PLPP1: variants seen among roughly 807,000 people sequenced by gnomAD.
The protein encoded by PLPP1 is phospholipid phosphatase 1.
A neutral mutation model predicts 31.2 loss-of-function variants in PLPP1; 24 were observed. That is an observed-to-expected ratio of 0.77 (90% CI 0.56 to 1.08). The LOEUF is 1.08. Among genes scored for constraint, PLPP1 ranks in the 50% least tolerant of loss-of-function variants. The probability of loss-of-function intolerance (pLI) is 0.00; values close to 1 mark genes in which losing one functional copy is unlikely to be tolerated. For missense variants in PLPP1, 319 were observed against 342.7 expected (o/e 0.93, Z 0.55); for synonymous variants, 146 against 126.3 (o/e 1.16, Z -1.05).
chr5:55,486,643 C>T (rs1178238061), intron 1 of PLPP1, among the ~76,000 whole-genome samples: 10 of 150,580 alleles, frequency 6.6e-5, no homozygotes, highest in Non-Finnish European at 8.9e-5. Context: ...GGTCGGGCGC[C>T]GTGGCTCACG....
chr5:55,502,486 C>CAA (rs112915753), intron 1 of PLPP1, among the ~76,000 whole-genome samples: 4 of 101,000 alleles, frequency 4.0e-5, no homozygotes, highest in Non-Finnish European at 4.1e-5. Flanking sequence ...GACTCCGTCT[C>CAA]AAAAAAAAAA....
chr5:55,486,621 T>C (rs900607957), intron 1 of PLPP1, among the ~76,000 whole-genome samples: 20 of 151,010 alleles, frequency 1.3e-4, no homozygotes, highest in African/African-American at 4.9e-4. Context: ...ATATATAAAG[T>C]GATTAAGCCT....
At chr5:55,473,237 A>C (rs186291436) in intron 2 of PLPP1, among the ~76,000 whole-genome samples, 5 of 152,338 alleles carry the variant, frequency 3.3e-5, no homozygotes. Flanking sequence ...TTAGATTAAA[A>C]GAATACCTGA....
At chr5:55,526,997 T>C (rs1339109958) in intron 1 of PLPP1, among the ~76,000 whole-genome samples, 2 of 151,598 alleles carry the variant, frequency 1.3e-5, no homozygotes, top group African/African-American at 4.8e-5. Flanking sequence ...AGGCACCGTG[T>C]CCTATTTGTT....
At position 55,533,253 on chromosome 5, in the gene PLPP1, G is replaced by A. The variant is rs147166333; in HGVS notation, c.58+1319C>T. Among the ~76,000 whole-genome samples, 964 of 151,498 alleles carry A rather than the reference G, an allele frequency of 6.4e-3. 15 individuals carry two copies. Among genetic ancestry groups the A allele is most frequent in the African/African-American group, 0.021 (859 of 41,272 alleles). On this transcript the variant is annotated intron_variant, in intron 1 of 5. Transcript: ENST00000307259. ...AGAAAAATTAGCCAGGCATGGTGGC[G>A]GTGCCTGTAATCCCAGCTACTAGAG...
chr5:55,525,070 CAT>C (rs1164019866), intron 1 of PLPP1, among the ~76,000 whole-genome samples: 2 of 152,222 alleles, frequency 1.3e-5, no homozygotes, highest in African/African-American at 2.4e-5. Flanking sequence ...GGCTTTCACA[CAT>C]GACTAATAAA....
chr5:55,522,451 C>T (rs1457546222), intron 1 of PLPP1, among the ~76,000 whole-genome samples: 1 of 152,104 alleles, frequency 6.6e-6, no homozygotes, highest in East Asian at 1.9e-4. Context: ...GCTGGAAGTG[C>T]AGTGGCACAA....
At chr5:55,480,483 TCTG>T (rs1448497241) in intron 1 of PLPP1, among the ~76,000 whole-genome samples, 12 of 152,062 alleles carry the variant, frequency 7.9e-5, no homozygotes, top group African/African-American at 2.4e-4. Context: ...CAACCACTCA[TCTG>T]CTATCTGTCT....
intron 4 of PLPP1, among the ~76,000 whole-genome samples, chr5:55,433,916 C>T (rs1242927619): frequency 6.6e-6 from 1 of 151,976 alleles, no homozygotes; most frequent in African/African-American, 2.4e-5. Flanking sequence ...GCAGGTGGAT[C>T]ACTTGAGGTC....
At chr5:55,432,661 CA>C (rs1411542865) in intron 4 of PLPP1, among the ~76,000 whole-genome samples, 8 of 35,754 alleles carry the variant, frequency 2.2e-4, no homozygotes, top group Admixed American at 1.3e-3. Flanking sequence ...AACAACACAT[CA>C]AAAAGATATG....
chr5:55,448,447 A>AC (rs899931389), intron 3 of PLPP1, among the ~76,000 whole-genome samples: 1 of 88,094 alleles, frequency 1.1e-5, no homozygotes, highest in African/African-American at 4.0e-5. Context: ...AGATTCTAGC[A>AC]CCTTTTTTTT....
At chr5:55,474,615 C>T (rs1752496131) in intron 2 of PLPP1, among the ~76,000 whole-genome samples, 2 of 152,208 alleles carry the variant, frequency 1.3e-5, no homozygotes, top group Admixed American at 1.3e-4. Flanking sequence ...TATAGCTTTT[C>T]TCTCCTGTGT....
intron 1 of PLPP1, among the ~76,000 whole-genome samples, chr5:55,507,942 C>A (rs1048874461): frequency 1.3e-5 from 2 of 152,052 alleles, no homozygotes; most frequent in Non-Finnish European, 2.9e-5. Flanking sequence ...ACTGCAACCT[C>A]CACCTCCCAG....
Position 55,425,300 on chromosome 5 carries a change from GTTCT to G in PLPP1, c.757_760del (p.Arg253LeufsTer86). 2 of 1,608,178 alleles carry G rather than the reference GTTCT, an allele frequency of 1.2e-6. No individual in the cohort carries two copies. Among genetic ancestry groups the G allele is most frequent in the Non-Finnish European group, 1.7e-6 (2 of 1,175,068 alleles). On this transcript the variant is annotated frameshift_variant, in exon 6 of 6. Coordinates refer to ENST00000307259, the MANE Select transcript of PLPP1 (RefSeq NM_003711.4). LOFTEE classifies it high-confidence loss of function. ...CTCCTCTTTTCTTTCTTTAAAAGAA[GTTCT>G]TTCTTTGAAGAAATCCGATACATAT...
At chr5:55,525,089 A>G (rs969876125) in intron 1 of PLPP1, among the ~76,000 whole-genome samples, 1 of 152,234 alleles carries the variant, frequency 6.6e-6, no homozygotes, top group Non-Finnish European at 1.5e-5. Context: ...TAAAACACTA[A>G]GTTTCAAAAG....
chr5:55,521,853 T>C (rs978360232), intron 1 of PLPP1, among the ~76,000 whole-genome samples: 1 of 152,226 alleles, frequency 6.6e-6, no homozygotes, highest in African/African-American at 2.4e-5. Context: ...CATGAGTTCA[T>C]GTGAAACATT....
At chr5:55,527,324 G>C (rs1267538181) in intron 1 of PLPP1, among the ~76,000 whole-genome samples, 2 of 152,184 alleles carry the variant, frequency 1.3e-5, no homozygotes, top group Non-Finnish European at 2.9e-5. Context: ...ACAAGCAACA[G>C]GGACCCCACA....
intron 3 of PLPP1, among the ~76,000 whole-genome samples, chr5:55,450,836 A>AC (rs1450482351): frequency 2.8e-4 from 43 of 152,080 alleles, no homozygotes; most frequent in African/African-American, 9.9e-4. Flanking sequence ...CCCACCACCC[A>AC]TCCCCTTTGT....
chr5:55,426,067 A>C (rs1297375125), intron 4 of PLPP1, 28 bp from the exon 5 acceptor site: 1 of 1,543,484 alleles, frequency 6.5e-7, no homozygotes, highest in Non-Finnish European at 8.7e-7. Context: ...AGAAAAAAAT[A>C]GTTTATTTAA....
Sources: gnomAD v4.1 joint callset for allele counts (sites outside exome capture counted in the v4.1 genomes callset) on GRCh38, gnomAD v4.1.1 for gene constraint, MANE v1.5 for transcripts, NCBI Gene and HGNC (gene_info 2026-07-23, HGNC 2026-07-21) for gene names.